The following AKR1E2 variants were observed in gnomAD, a reference collection of about 807,000 sequenced individuals.
AKR1E2 encodes the protein aldo-keto reductase family 1 member E2, also known as 1,5-anhydro-D-fructose reductase.
AKR1E2 carries 43 observed loss-of-function variants against 41.9 expected under a neutral mutation model. That is an observed-to-expected ratio of 1.03 (90% CI 0.80 to 1.32). The LOEUF (loss-of-function observed/expected upper bound fraction) is 1.32, where lower values mean the gene tolerates loss of function less well. Ranked by LOEUF, AKR1E2 falls within the 40% of genes most tolerant of loss-of-function variation. The pLI, the probability that AKR1E2 is intolerant of heterozygous loss-of-function variation, is 0.00. For missense variants in AKR1E2, 423 were observed against 396.5 expected, an observed-to-expected ratio of 1.07 and a Z score of -0.57; for synonymous variants, 121 against 138.9, an observed-to-expected ratio of 0.87 and a Z score of 0.91.
At chr10:4,872,400 G>A in the AKR1E2 span, among the ~76,000 whole-genome samples, 1 of 152,134 alleles carries the variant, frequency 6.6e-6, no homozygotes, top group Non-Finnish European at 1.5e-5. Flanking sequence ...TTTCTTGGGA[G>A]AAAATTTTAT....
intron 8 of AKR1E2, among the ~76,000 whole-genome samples, chr10:4,846,834 G>A (rs1003746220): frequency 4.6e-5 from 7 of 152,090 alleles, no homozygotes; most frequent in East Asian, 1.9e-4. Context: ...GTGAACCACC[G>A]CGCCCAGCCG....
chr10:4,841,756 G>T lies in AKR1E2; in HGVS notation c.681-29G>T, dbSNP rs745773813. ...AGGGGCATCCATGTTGGATCTCCTG[G>T]CTCACTCCCCTGTACTGTGTCTCTC... On this transcript the variant is annotated intron_variant, in intron 6 of 9. Coordinates refer to ENST00000298375, the MANE Select transcript of AKR1E2 (RefSeq NM_001040177.3). The T allele has an allele frequency of 2.0e-6, 3 of 1,475,366 alleles. No individual in the cohort carries two copies. The Admixed American group carries it at 6.6e-5, about 33-fold the overall frequency. 91.4% of individuals were successfully genotyped at this position (1,475,366 alleles called of 1,614,324 possible). A position where few individuals can be genotyped will look rare whatever the true frequency, so the allele number is the denominator to read the frequency against.
At chr10:4,866,163 C>G in the AKR1E2 span, among the ~76,000 whole-genome samples, 1 of 152,206 alleles carries the variant, frequency 6.6e-6, no homozygotes, top group African/African-American at 2.4e-5. Flanking sequence ...TCCTCTTTAT[C>G]ATTTCCACTT....
the AKR1E2 span, among the ~76,000 whole-genome samples, chr10:4,867,703 T>C: frequency 6.6e-6 from 1 of 152,242 alleles, no homozygotes; most frequent in Non-Finnish European, 1.5e-5. Context: ...AGTTTCTTTT[T>C]AACCCACAGT....
At chr10:4,841,120 A>C (rs929826081) in intron 6 of AKR1E2, among the ~76,000 whole-genome samples, 3 of 152,142 alleles carry the variant, frequency 2.0e-5, no homozygotes, top group African/African-American at 7.2e-5. Flanking sequence ...GGAGTGAGTC[A>C]GGGAGCTCTC....
chr10:4,838,147 T>C (rs1833584616), intron 5 of AKR1E2, among the ~76,000 whole-genome samples: 1 of 152,272 alleles, frequency 6.6e-6, no homozygotes, highest in African/African-American at 2.4e-5. Context: ...AATGGAACTG[T>C]ATAAATTCTC....
chr10:4,826,636 C>G (rs1380230787), intron 1 of AKR1E2, among the ~76,000 whole-genome samples: 1 of 152,026 alleles, frequency 6.6e-6, no homozygotes, highest in African/African-American at 2.4e-5. Context: ...GGGGCTGCGG[C>G]CGCGGCGTTG....
chr10:4,850,011 G>T (rs1305345652), downstream of AKR1E2, among the ~76,000 whole-genome samples: 3 of 152,366 alleles, frequency 2.0e-5, no homozygotes, highest in East Asian at 5.8e-4. Flanking sequence ...AAGTTTCACA[G>T]AAGTTACGCA....
intron 1 of AKR1E2, among the ~76,000 whole-genome samples, chr10:4,828,093 A>T (rs543674896): frequency 6.6e-6 from 1 of 152,274 alleles, no homozygotes; most frequent in Admixed American, 6.5e-5. Context: ...CCTATCCGTT[A>T]TCTGTTGCCC....
downstream of AKR1E2, among the ~76,000 whole-genome samples, chr10:4,848,274 C>T (rs1834458006): frequency 6.6e-6 from 1 of 152,178 alleles, no homozygotes; most frequent in Non-Finnish European, 1.5e-5. Flanking sequence ...ACCTGGGGAA[C>T]CCCCATAGCG....
intron 8 of AKR1E2, among the ~76,000 whole-genome samples, chr10:4,844,030 GCT>G (rs1258551566): frequency 6.6e-6 from 1 of 152,366 alleles, no homozygotes; most frequent in Non-Finnish European, 1.5e-5. Flanking sequence ...ACCGGCATCT[GCT>G]CCACATGGTG....
chr10:4,852,912 G>C (rs939177722), downstream of AKR1E2, among the ~76,000 whole-genome samples: 3 of 152,146 alleles, frequency 2.0e-5, no homozygotes, highest in Admixed American at 2.0e-4. Context: ...TCTTCCTTCT[G>C]TGTGTGTCTG....
chr10:4,862,337 T>G, the AKR1E2 span, among the ~76,000 whole-genome samples: 1 of 152,214 alleles, frequency 6.6e-6, no homozygotes, highest in Non-Finnish European at 1.5e-5. Context: ...ACTGTAGCCT[T>G]GTAGTATAAT....
downstream of AKR1E2, among the ~76,000 whole-genome samples, chr10:4,849,836 G>A (rs1055349206): frequency 2.6e-5 from 4 of 152,196 alleles, no homozygotes; most frequent in African/African-American, 7.2e-5. Flanking sequence ...ACCAGGTGGC[G>A]CTGGGAAGCA....
intron 2 of AKR1E2, among the ~76,000 whole-genome samples, chr10:4,831,150 T>C (rs1032271413): frequency 6.6e-6 from 1 of 152,222 alleles, no homozygotes; most frequent in African/African-American, 2.4e-5. Context: ...ATGAAGTCTG[T>C]TTACACAGCG....
At chr10:4,835,419 A>G (rs564503335) in intron 3 of AKR1E2, among the ~76,000 whole-genome samples, 1 of 152,342 alleles carries the variant, frequency 6.6e-6, no homozygotes, top group South Asian at 2.1e-4. Flanking sequence ...ACCTTGCATC[A>G]GTAAGGATAC....
intron 5 of AKR1E2, 96 bp from the exon 6 acceptor site, chr10:4,839,633 C>A: frequency 2.6e-6 from 3 of 1,141,126 alleles, no homozygotes; most frequent in Non-Finnish European, 3.9e-6. Flanking sequence ...CATGGCTACT[C>A]GGTGACAGCC....
At position 4,841,420 on chromosome 10, in the gene AKR1E2, C is replaced by T. The variant is rs551833524; in HGVS notation, c.681-365C>T. Among the ~76,000 whole-genome samples, 120 of 152,248 alleles carry T rather than the reference C, an allele frequency of 7.9e-4. No homozygotes were observed. In the Middle Eastern group the frequency reaches 0.017, roughly 22 times the overall value. On this transcript the variant is annotated intron_variant, in intron 6 of 9. Coordinates refer to ENST00000298375, the MANE Select transcript of AKR1E2 (RefSeq NM_001040177.3). ...ATCATCATCAACAAATATCGATTCG[C>T]TGTGCTGTGCCAGGGTGTACAGTAG...
the AKR1E2 span, among the ~76,000 whole-genome samples, chr10:4,861,364 GTCT>G: frequency 2.3e-4 from 35 of 152,104 alleles, no homozygotes; most frequent in South Asian, 8.3e-4. Context: ...TGTGCAATAT[GTCT>G]TCTTCTTCTT....
Sources: gnomAD v4.1 joint callset for allele counts (sites outside exome capture counted in the v4.1 genomes callset) on GRCh38, gnomAD v4.1.1 for gene constraint, MANE v1.5 for transcripts, NCBI Gene and HGNC (gene_info 2026-07-23, HGNC 2026-07-21) for gene names.